Variants in TMEM132E observed in about 807,000 individuals in gnomAD.
TMEM132E encodes transmembrane protein 132E.
Under a neutral mutation model 78.5 loss-of-function variants are expected in TMEM132E, and 49 were observed. The ratio of observed to expected loss-of-function variants is 0.62; its 90% CI spans 0.50 to 0.79. TMEM132E has a LOEUF of 0.79. Among genes scored for constraint, TMEM132E ranks in the 30% least tolerant of loss-of-function variants. The pLI is 0.00. For missense variants in TMEM132E, 1,403 were observed against 1,470.9 expected, an observed-to-expected ratio of 0.95 and a Z score of 0.75; for synonymous variants, 715 against 670.6, an observed-to-expected ratio of 1.07 and a Z score of -1.02.
chr17:34,612,365 T>A (rs987511087), intron 1 of TMEM132E, among the ~76,000 whole-genome samples: 1 of 152,202 alleles, frequency 6.6e-6, no homozygotes, highest in African/African-American at 2.4e-5. Flanking sequence ...GGGCTTGGAA[T>A]GTGCTCTGCT....
At chr17:34,636,239 A>G (rs1214644898) in intron 8 of TMEM132E, 41 bp downstream of exon 8, 3 of 1,409,734 alleles carry the variant, frequency 2.1e-6, no homozygotes, top group Non-Finnish European at 2.8e-6. Context: ...AGTTGGTGGT[A>G]TGGAAGGAGA....
intron 1 of TMEM132E, among the ~76,000 whole-genome samples, chr17:34,612,386 T>G (rs1195861762): frequency 2.0e-5 from 3 of 152,038 alleles, no homozygotes; most frequent in Non-Finnish European, 4.4e-5. Context: ...GTTGCTTCAC[T>G]CTCCTCCCCA....
rs531288265 is a variant in TMEM132E, at chr17:34,602,541, T to C, written c.67+21398T>C. ...GAAGATGGAGTGCTTCCTCTCTGTCTCCATTCTTGACAGGTGAGAGCAGGT... is the reference window on the plus strand; with the variant it reads ...GAAGATGGAGTGCTTCCTCTCTGTCCCCATTCTTGACAGGTGAGAGCAGGT... On this transcript the variant is annotated intron_variant, in intron 1 of 8. Coordinates refer to ENST00000631683, the MANE Select transcript of TMEM132E (RefSeq NM_001304438.2). Among the ~76,000 whole-genome samples the C allele has an allele frequency of 2.0e-5, 3 of 152,308 alleles. No individual in the cohort carries two copies. The East Asian group carries it at 5.8e-4, about 29-fold the overall frequency.
rs774576519 is a variant in TMEM132E, at chr17:34,637,368, A to C, written c.2361A>C (p.Leu787=). Residue 787 remains leucine, a synonymous_variant, in exon 9 of 9, where the codon CTA becomes CTC. Transcript: ENST00000631683. The part of the protein sequence containing the change: ...EGSGELLRAE[L]TIAESCQKTK... ...CAGGGGAGCTGCTTCGCGCAGAGCT[A>C]ACCATCGCTGAGAGCTGCCAGAAAA... The C allele has an allele frequency of 1.2e-6, 2 of 1,613,954 alleles. No homozygotes were observed. Among genetic ancestry groups the C allele is most frequent in the East Asian group, 4.5e-5 (2 of 44,882 alleles).
chr17:34,608,677 C>T (rs985570927), intron 1 of TMEM132E, among the ~76,000 whole-genome samples: 1 of 152,200 alleles, frequency 6.6e-6, no homozygotes, highest in Non-Finnish European at 1.5e-5. Context: ...CTCCTCCTCT[C>T]AGAAATCAGG....
intron 4 of TMEM132E, among the ~76,000 whole-genome samples, chr17:34,629,768 T>A (rs1303874845): frequency 6.6e-6 from 1 of 152,006 alleles, no homozygotes; most frequent in South Asian, 2.1e-4. Context: ...AAGGGTTGTT[T>A]CCCGGCAGCA....
chr17:34,589,610 A>G (rs1905793338), intron 1 of TMEM132E, among the ~76,000 whole-genome samples: 1 of 152,132 alleles, frequency 6.6e-6, no homozygotes, highest in Admixed American at 6.5e-5. Flanking sequence ...CCTTGTGTTC[A>G]GGGACTGCAA....
At chr17:34,584,236 TG>T (rs1350418414) in intron 1 of TMEM132E, among the ~76,000 whole-genome samples, 1 of 152,216 alleles carries the variant, frequency 6.6e-6, no homozygotes, top group East Asian at 1.9e-4. Flanking sequence ...TATGAGGTAT[TG>T]CTTTTCTCAC....
At chr17:34,601,494 C>G (rs1190531880) in intron 1 of TMEM132E, among the ~76,000 whole-genome samples, 2 of 152,184 alleles carry the variant, frequency 1.3e-5, no homozygotes, top group East Asian at 3.9e-4. Context: ...AAGTCCCAGC[C>G]CTACTTTGTA....
chr17:34,617,499 TTGAA>T (rs35356399), intron 1 of TMEM132E, among the ~76,000 whole-genome samples: 9,746 of 152,154 alleles, frequency 0.064, 390 homozygotes, highest in African/African-American at 0.1. Flanking sequence ...CCAATAAATG[TTGAA>T]TGAATGAATG....
intron 1 of TMEM132E, among the ~76,000 whole-genome samples, chr17:34,602,090 A>G (rs1259274041): frequency 1.3e-5 from 2 of 152,172 alleles, no homozygotes; most frequent in African/African-American, 4.8e-5. Context: ...CACCATTTAA[A>G]AACCACTTCC....
chr17:34,603,921 T>A (rs1906323772), intron 1 of TMEM132E, among the ~76,000 whole-genome samples: 1 of 152,058 alleles, frequency 6.6e-6, no homozygotes, highest in African/African-American at 2.4e-5. Context: ...GTCCCTTCTT[T>A]CATCCCCCTC....
chr17:34,585,850 TG>T lies in TMEM132E; in HGVS notation c.67+4713del, dbSNP rs551923673. Among the ~76,000 whole-genome samples the T allele has an allele frequency of 9.6e-3, 1,463 of 152,282 alleles. 18 individuals carry two copies. Among genetic ancestry groups the T allele is most frequent in the Non-Finnish European group, 0.014 (963 of 68,026 alleles). On this transcript the variant is annotated intron_variant, in intron 1 of 8. Transcript: ENST00000631683. The stretch of plus-strand genomic sequence containing the variant: ...CTCTTTCAGTAGCTCAAAGTCCAAC[TG>T]GGGGGAATGAGACAAAGGTCCAAAG...
At chr17:34,608,758 CAG>C (rs1361623808) in intron 1 of TMEM132E, among the ~76,000 whole-genome samples, 1 of 152,172 alleles carries the variant, frequency 6.6e-6, no homozygotes, top group African/African-American at 2.4e-5. Flanking sequence ...TTCGCAGAGA[CAG>C]GGGAGCAGGT....
At chr17:34,629,692 G>A (rs1431345182) in intron 4 of TMEM132E, among the ~76,000 whole-genome samples, 5 of 152,206 alleles carry the variant, frequency 3.3e-5, no homozygotes, top group African/African-American at 9.6e-5. Flanking sequence ...GGCATGTGTT[G>A]GATGTTACTG....
At chr17:34,613,449 T>C (rs1408844392) in intron 1 of TMEM132E, among the ~76,000 whole-genome samples, 1 of 143,224 alleles carries the variant, frequency 7.0e-6, no homozygotes, top group Non-Finnish European at 1.5e-5. Flanking sequence ...TTTGTTCAGG[T>C]TCCCTCCTGG....
intron 2 of TMEM132E, among the ~76,000 whole-genome samples, chr17:34,627,890 A>G (rs1425107339): frequency 6.6e-6 from 1 of 152,238 alleles, no homozygotes; most frequent in Non-Finnish European, 1.5e-5. Context: ...GAAATCAGTC[A>G]TCAGAGATCT....
At chr17:34,622,836 A>G (rs2142076137) in intron 1 of TMEM132E, among the ~76,000 whole-genome samples, 1 of 152,348 alleles carries the variant, frequency 6.6e-6, no homozygotes, top group South Asian at 2.1e-4. Flanking sequence ...AGAAACAGAC[A>G]CATGCATATA....
intron 1 of TMEM132E, among the ~76,000 whole-genome samples, chr17:34,606,196 A>C (rs1353693955): frequency 6.6e-6 from 1 of 152,096 alleles, no homozygotes; most frequent in Non-Finnish European, 1.5e-5. Context: ...AATACAAAAA[A>C]ATTAGCCAGG....
Sources: gnomAD v4.1 joint callset for allele counts (sites outside exome capture counted in the v4.1 genomes callset) on GRCh38, gnomAD v4.1.1 for gene constraint, MANE v1.5 for transcripts, NCBI Gene and HGNC (gene_info 2026-07-23, HGNC 2026-07-21) for gene names.